CCSER1: variants seen among roughly 807,000 people sequenced by gnomAD.
CCSER1 encodes the protein coiled-coil serine rich protein 1.
A neutral mutation model predicts 82.0 loss-of-function variants in CCSER1; 41 were observed. The ratio of observed to expected loss-of-function variants is 0.50; its 90% confidence interval spans 0.39 to 0.65. CCSER1 has a LOEUF of 0.65. Ranked by LOEUF, CCSER1 falls within the 30% of genes least tolerant of loss-of-function variation. The probability of loss-of-function intolerance (pLI) is 0.00; values close to 1 mark genes in which losing one functional copy is unlikely to be tolerated. For synonymous variants in CCSER1, 414 were observed against 383.9 expected, an observed-to-expected ratio of 1.08 and a Z score of -0.92; for missense variants, 1,119 against 1,064.2, an observed-to-expected ratio of 1.05 and a Z score of -0.72.
At chr4:91,387,674 C>T (rs1751381178) in intron 10 of CCSER1, among the ~76,000 whole-genome samples, 1 of 151,824 alleles carries the variant, frequency 6.6e-6, no homozygotes, top group Admixed American at 6.6e-5. Context: ...TATTACAAGG[C>T]AATGCATGAT....
chr4:90,759,937 A>G (rs1470553874), intron 7 of CCSER1, among the ~76,000 whole-genome samples: 3 of 151,830 alleles, frequency 2.0e-5, no homozygotes, highest in Non-Finnish European at 4.4e-5. Flanking sequence ...GCTGTATAAA[A>G]CTACTTAATA....
At chr4:91,226,201 A>T (rs1027774535) in intron 10 of CCSER1, among the ~76,000 whole-genome samples, 3 of 151,922 alleles carry the variant, frequency 2.0e-5, no homozygotes, top group African/African-American at 7.2e-5. Context: ...ACAATGAAAG[A>T]TATATTAAAG....
intron 4 of CCSER1, among the ~76,000 whole-genome samples, chr4:90,448,680 G>T (rs1013057468): frequency 6.6e-5 from 10 of 151,446 alleles, no homozygotes; most frequent in African/African-American, 2.4e-4. Flanking sequence ...ATGAAAGTCT[G>T]CCTGGGGAAT....
chr4:90,387,696 C>T (rs1750277327), intron 3 of CCSER1, among the ~76,000 whole-genome samples: 1 of 152,206 alleles, frequency 6.6e-6, no homozygotes, highest in African/African-American at 2.4e-5. Flanking sequence ...CATTATAGCT[C>T]AGGCAAGCTT....
At chr4:90,935,932 T>A (rs943951914) in intron 9 of CCSER1, among the ~76,000 whole-genome samples, 2 of 152,132 alleles carry the variant, frequency 1.3e-5, no homozygotes, top group African/African-American at 2.4e-5. Flanking sequence ...TGTAGGAATG[T>A]ACCATTTTAT....
At chr4:90,275,211 A>T (rs968018634) in intron 1 of CCSER1, among the ~76,000 whole-genome samples, 1 of 152,172 alleles carries the variant, frequency 6.6e-6, no homozygotes, top group Non-Finnish European at 1.5e-5. Context: ...TACTACTTGT[A>T]TTCTGTAAAT....
chr4:91,182,459 T>C (rs2149032412), intron 10 of CCSER1, among the ~76,000 whole-genome samples: 1 of 152,328 alleles, frequency 6.6e-6, no homozygotes, highest in East Asian at 1.9e-4. Context: ...TTAAAGTTAA[T>C]AATGCTAGAT....
At chr4:91,035,056 G>A (rs1340871877) in intron 9 of CCSER1, among the ~76,000 whole-genome samples, 1 of 152,064 alleles carries the variant, frequency 6.6e-6, no homozygotes, top group East Asian at 1.9e-4. Context: ...AAGTGTATAA[G>A]AAATATCAAG....
chr4:90,298,002 G>A (rs1037049442), intron 1 of CCSER1, among the ~76,000 whole-genome samples: 5 of 152,248 alleles, frequency 3.3e-5, no homozygotes, highest in Admixed American at 6.5e-5. Context: ...GATGATGCTG[G>A]CCTCATAAAA....
chr4:90,808,437 C>A (rs2149728508), intron 7 of CCSER1, among the ~76,000 whole-genome samples: 1 of 152,144 alleles, frequency 6.6e-6, no homozygotes, highest in Non-Finnish European at 1.5e-5. Context: ...AAGAAATAAT[C>A]AACAGAGTAA....
intron 5 of CCSER1, among the ~76,000 whole-genome samples, chr4:90,595,352 A>G (rs1204147001): frequency 6.6e-6 from 1 of 152,008 alleles, no homozygotes; most frequent in East Asian, 1.9e-4. Context: ...TTTGAAAATT[A>G]TGGTAGGCAC....
chr4:91,021,815 G>A (rs1739998832), intron 9 of CCSER1, among the ~76,000 whole-genome samples: 3 of 151,932 alleles, frequency 2.0e-5, no homozygotes, highest in Admixed American at 2.0e-4. Flanking sequence ...TGAAAGCAAA[G>A]CACACTTTTT....
intron 4 of CCSER1, among the ~76,000 whole-genome samples, chr4:90,428,909 G>A (rs915731935): frequency 1.3e-5 from 2 of 151,732 alleles, no homozygotes; most frequent in Non-Finnish European, 1.5e-5. Flanking sequence ...ATATAATGTG[G>A]TATACTGGCT....
intron 4 of CCSER1, chr4:90,403,894 G>C (rs1753314646): frequency 6.6e-6 from 1 of 152,150 alleles, no homozygotes; most frequent in African/African-American, 2.4e-5. Context: ...GCAGGGTGTG[G>C]AGACTCACAT....
In CCSER1 at chr4:90,538,523, T is replaced by C. The variant is rs7664910; in HGVS notation, c.1724+70169T>C. The stretch of plus-strand genomic sequence containing the variant: ...TTGAAAAACTTGGCTTCTGTTGTTT[T>C]ACTGCTTGACAACTTTGATTTACAT... On this transcript the variant is annotated intron_variant, in intron 5 of 10. Transcript: ENST00000509176. Among the ~76,000 whole-genome samples the C allele has an allele frequency of 6.9e-3, 1,056 of 152,278 alleles. 1 individual carries two copies. Among genetic ancestry groups the C allele is most frequent in the Non-Finnish European group, 0.011 (775 of 67,982 alleles).
At chr4:90,270,684 A>G (rs1383415482) in intron 1 of CCSER1, among the ~76,000 whole-genome samples, 1 of 152,074 alleles carries the variant, frequency 6.6e-6, no homozygotes, top group Non-Finnish European at 1.5e-5. Context: ...AATAAAGAGC[A>G]TTTAAATTGG....
intron 6 of CCSER1, among the ~76,000 whole-genome samples, chr4:90,648,074 C>A (rs932274689): frequency 2.6e-5 from 4 of 151,456 alleles, no homozygotes; most frequent in Non-Finnish European, 4.4e-5. Context: ...TTATGTTTAC[C>A]TTTTAGGTTC....
chr4:90,597,556 T>C (rs992831019), intron 5 of CCSER1, among the ~76,000 whole-genome samples: 6 of 152,054 alleles, frequency 3.9e-5, no homozygotes, highest in Non-Finnish European at 8.8e-5. Flanking sequence ...CATTTGACTG[T>C]GTATATTTGA....
chr4:90,616,385 GA>G (rs1721206053), intron 5 of CCSER1, among the ~76,000 whole-genome samples: 1 of 151,850 alleles, frequency 6.6e-6, no homozygotes, highest in African/African-American at 2.4e-5. Flanking sequence ...AAGAATAAGA[GA>G]AAAAATGTTT....
Sources: gnomAD v4.1 joint callset for allele counts (sites outside exome capture counted in the v4.1 genomes callset) on GRCh38, gnomAD v4.1.1 for gene constraint, MANE v1.5 for transcripts, NCBI Gene and HGNC (gene_info 2026-07-23, HGNC 2026-07-21) for gene names.